GRIN2A: variants seen among roughly 807,000 people sequenced by gnomAD.
The protein encoded by GRIN2A is glutamate receptor ionotropic, NMDA 2A.
In GRIN2A, 22 loss-of-function variants were observed where a neutral mutation model predicts 113.4. The ratio of observed to expected loss-of-function variants is 0.19; its 90% confidence interval spans 0.14 to 0.28. The LOEUF (loss-of-function observed/expected upper bound fraction) is 0.28, where lower values mean the gene tolerates loss of function less well. Ranked by LOEUF, GRIN2A falls within the 10% of genes least tolerant of loss-of-function variation. The pLI is 1.00. For missense variants in GRIN2A, 1,502 were observed against 1,887.0 expected (o/e 0.80, Z 3.78); for synonymous variants, 827 against 738.4 (o/e 1.12, Z -1.94).
intron 2 of GRIN2A, among the ~76,000 whole-genome samples, chr16:10,132,747 C>T (rs917069964): frequency 8.5e-5 from 13 of 152,156 alleles, no homozygotes; most frequent in Admixed American, 2.0e-4. Flanking sequence ...CAAAATAATA[C>T]GTCTAAGCAG....
intron 3 of GRIN2A, among the ~76,000 whole-genome samples, chr16:9,924,110 CAAAAAAAAAAAAAAAA>C (rs921695456): frequency 8.8e-4 from 16 of 18,220 alleles, no homozygotes; most frequent in African/African-American, 2.1e-3. Flanking sequence ...GACTTGGTCT[CAAAAAAAAAAAAAAAA>C]AAAAAAAAAA....
At chr16:10,083,334 G>C (rs1007371611) in intron 2 of GRIN2A, among the ~76,000 whole-genome samples, 1 of 152,232 alleles carries the variant, frequency 6.6e-6, no homozygotes, top group Non-Finnish European at 1.5e-5. Context: ...TGGCCCCTGG[G>C]AGAAGGGAGC....
intron 2 of GRIN2A, among the ~76,000 whole-genome samples, chr16:10,122,088 C>T (rs1323209775): frequency 6.6e-6 from 1 of 152,184 alleles, no homozygotes; most frequent in African/African-American, 2.4e-5. Flanking sequence ...CCCTTCTGGG[C>T]ACTACCAGCT....
chr16:10,054,832 G>A (rs1049530697), intron 2 of GRIN2A, among the ~76,000 whole-genome samples: 2 of 151,764 alleles, frequency 1.3e-5, no homozygotes, highest in Non-Finnish European at 2.9e-5. Flanking sequence ...CGGATCATGA[G>A]GTCAGGAGAT....
At chr16:10,164,804 AT>A (rs1213557282) in intron 2 of GRIN2A, among the ~76,000 whole-genome samples, 2 of 152,270 alleles carry the variant, frequency 1.3e-5, no homozygotes, top group Admixed American at 1.3e-4. Context: ...CCTAGGGAAT[AT>A]AAAAGCGATG....
intron 2 of GRIN2A, among the ~76,000 whole-genome samples, chr16:9,996,338 T>C (rs1474686665): frequency 1.1e-4 from 16 of 152,180 alleles, no homozygotes; most frequent in Admixed American, 1.0e-3. Context: ...GTGAAACCAC[T>C]GCTGACACTC....
At chr16:9,844,886 G>A (rs1337156673) in intron 5 of GRIN2A, among the ~76,000 whole-genome samples, 2 of 152,096 alleles carry the variant, frequency 1.3e-5, no homozygotes, top group Non-Finnish European at 2.9e-5. Flanking sequence ...GACCAGAAAG[G>A]AAGATTTCTC....
At chr16:9,937,935 G>A (rs1229771240) in intron 3 of GRIN2A, 24 bp downstream of exon 3, 10 of 1,532,694 alleles carry the variant, frequency 6.5e-6, no homozygotes, top group East Asian at 2.3e-5. Flanking sequence ...ATCCCACTTT[G>A]GGAGACAACA....
chr16:10,118,864 A>G (rs1443471131), intron 2 of GRIN2A, among the ~76,000 whole-genome samples: 1 of 152,212 alleles, frequency 6.6e-6, no homozygotes, highest in Non-Finnish European at 1.5e-5. Flanking sequence ...CAGTAGTCCA[A>G]TTGTCCTTTC....
At chr16:9,874,545 A>G (rs762929691) in intron 4 of GRIN2A, among the ~76,000 whole-genome samples, 2 of 152,170 alleles carry the variant, frequency 1.3e-5, no homozygotes, top group Non-Finnish European at 2.9e-5. Flanking sequence ...CCCCAACATG[A>G]GTTTTTATAA....
At chr16:9,791,269 A>C (rs924833832) in intron 11 of GRIN2A, among the ~76,000 whole-genome samples, 1 of 152,152 alleles carries the variant, frequency 6.6e-6, no homozygotes, top group Non-Finnish European at 1.5e-5. Flanking sequence ...ATGAGATGTC[A>C]TATCAGGAAA....
chr16:9,832,075 C>T (rs1238367689), intron 8 of GRIN2A, among the ~76,000 whole-genome samples: 2 of 150,156 alleles, frequency 1.3e-5, no homozygotes, highest in East Asian at 2.0e-4. Context: ...CGCATCATCA[C>T]GCCAGGCTTA....
At chr16:10,071,142 C>A (rs920923195) in intron 2 of GRIN2A, among the ~76,000 whole-genome samples, 8 of 152,288 alleles carry the variant, frequency 5.3e-5, no homozygotes, top group African/African-American at 1.7e-4. Context: ...ATAAAAGAAC[C>A]ATGCCTAGCA....
chr16:10,167,046 G>C (rs1177698752), intron 2 of GRIN2A, among the ~76,000 whole-genome samples: 2 of 152,146 alleles, frequency 1.3e-5, no homozygotes, highest in Non-Finnish European at 1.5e-5. Context: ...TAGTTTATGG[G>C]AATCAAAAGT....
chr16:9,923,677 C>T lies in GRIN2A; in HGVS notation c.1007+14282G>A, dbSNP rs932675980. Among the ~76,000 whole-genome samples, 48 of 152,082 alleles carry T rather than the reference C, an allele frequency of 3.2e-4. 1 individual carries two copies. The highest frequency in any genetic ancestry group is 1.2e-4 in the Non-Finnish European group (8 of 68,016). On this transcript the variant is annotated intron_variant, in intron 3 of 12. Transcript: ENST00000330684. ...TATACCACTATACTACGTAAGTATACCATAAGACCTTCAAATAGTATACTT... is the reference window on the plus strand; with the variant it reads ...TATACCACTATACTACGTAAGTATATCATAAGACCTTCAAATAGTATACTT...
intron 2 of GRIN2A, chr16:10,112,461 A>T: frequency 1.2e-6 from 1 of 847,924 alleles, no homozygotes; most frequent in Non-Finnish European, 2.0e-6. Flanking sequence ...TGTGTCCATC[A>T]TAGCCGATGT....
chr16:9,891,145 G>T, intron 3 of GRIN2A, 45 bp from the exon 4 acceptor site: 1 of 1,148,554 alleles, frequency 8.7e-7, no homozygotes, highest in South Asian at 1.2e-5. Flanking sequence ...GAAAGAATTA[G>T]AGCAATCGAA....
intron 2 of GRIN2A, among the ~76,000 whole-genome samples, chr16:10,047,559 T>C (rs1255538631): frequency 6.6e-6 from 1 of 152,236 alleles, no homozygotes; most frequent in Non-Finnish European, 1.5e-5. Flanking sequence ...TTGAGTCCCA[T>C]ACCTGATATA....
At chr16:9,811,327 A>C (rs886420148) in intron 10 of GRIN2A, among the ~76,000 whole-genome samples, 12 of 152,284 alleles carry the variant, frequency 7.9e-5, no homozygotes, top group African/African-American at 2.9e-4. Flanking sequence ...TTAGATGTTA[A>C]CCTTCAGACG....
Sources: allele counts gnomAD v4.1 joint callset (sites outside exome capture counted in the v4.1 genomes callset), GRCh38; gene constraint gnomAD v4.1.1; transcripts MANE v1.5; gene names NCBI Gene and HGNC (gene_info 2026-07-23, HGNC 2026-07-21).